The following NEB variants were observed in gnomAD, a reference collection of about 807,000 sequenced individuals.
NEB encodes nemaline myopathy type 2.
A neutral mutation model predicts 952.2 loss-of-function variants in NEB; 512 were observed. That is an observed-to-expected ratio of 0.54 (90% confidence interval 0.50 to 0.58). The LOEUF (loss-of-function observed/expected upper bound fraction) is 0.58, where lower values mean the gene tolerates loss of function less well. NEB is among the 20% of genes least tolerant of loss of function. The pLI is 0.00. For missense variants in NEB, 8,428 were observed against 9,231.1 expected, an observed-to-expected ratio of 0.91 and a Z score of 3.56; for synonymous variants, 2,900 against 3,149.8, an observed-to-expected ratio of 0.92 and a Z score of 2.66.
intron 131 of NEB, among the ~76,000 whole-genome samples, chr2:151,548,015 ACTAAAATGCAAC>A (rs1333529137): frequency 1.3e-5 from 2 of 152,170 alleles, no homozygotes; most frequent in East Asian, 3.8e-4. Context: ...CATGAGTCAG[ACTAAAATGCAAC>A]CTTATTAAAG....
intron 54 of NEB, among the ~76,000 whole-genome samples, chr2:151,648,909 C>T (rs112157472): frequency 9.2e-5 from 14 of 152,242 alleles, no homozygotes; most frequent in African/African-American, 2.9e-4. Flanking sequence ...CTCAAGGACC[C>T]CAGCTGGCCC....
rs1244163085 is a variant in NEB at position 151,678,172 on chromosome 2, C to A, written c.3271G>T (p.Asp1091Tyr). 2 of 1,603,926 alleles carry A rather than the reference C, an allele frequency of 1.2e-6. No homozygotes were observed. The highest frequency in any genetic ancestry group is 3.4e-5 in the Admixed American group (2 of 59,036). Reference sequence around the variant, plus strand: ...ATTTTCCCTTTAGCCTTTTCATAGTCTTTTTTGTACTGAACCTATTGTAAA... The same window carrying A: ...ATTTTCCCTTTAGCCTTTTCATAGTATTTTTTGTACTGAACCTATTGTAAA... ...QAASDVQYKK[D>Y]YEKAKGKMVG... Residue 1091 changes from aspartate to tyrosine, a missense_variant, in exon 33 of 182, where the codon GAC becomes TAC. Asp to Tyr is a radical substitution (Grantham distance 160). Around this residue, in one of 11 missense-constraint regions of NEB, gnomAD observed 2,851 missense variants for 2,791.5 expected, o/e 1.02. Coordinates refer to ENST00000397345, the MANE Select transcript of NEB (RefSeq NM_001164508.2).
rs2099019846 is a variant in NEB, at chr2:151,650,582, G to T, written c.7219C>A (p.Gln2407Lys). The T allele has an allele frequency of 6.4e-7, 1 of 1,566,258 alleles. No individual in the cohort carries two copies. The highest frequency in any genetic ancestry group is 8.6e-7 in the Non-Finnish European group (1 of 1,158,830). ...VVQAKKVYEL[Q>K]SENLYKSDLE... ...ATTTAATAGAAACTGACCTCACTTT[G>T]CAGTTCATAAACTTTCTTAGCTTGC... Residue 2407 changes from glutamine (Q) to lysine (K), a missense_variant, in exon 53 of 182, where the codon CAA becomes AAA. By Grantham distance (53) the Gln-to-Lys change is moderately conservative. This residue lies in a region of NEB where 1,772 missense variants were observed against 1,960.3 expected (regional missense o/e 0.90). Coordinates refer to ENST00000397345, the MANE Select transcript of NEB (RefSeq NM_001164508.2).
intron 142 of NEB, chr2:151,534,085 A>G (rs1180771331): frequency 1.4e-6 from 1 of 693,758 alleles, no homozygotes; most frequent in Non-Finnish European, 2.5e-6. Flanking sequence ...GGCTAGACAG[A>G]TACTTTGAAA....
rs753965951 is a variant in NEB at position 151,690,787 on chromosome 2, C to T, written c.2250G>A (p.Thr750=). The change falls in exon 24 of 182, where the codon ACG becomes ACA. Residue 750 remains threonine (T), a synonymous_variant. Coordinates refer to ENST00000397345, the MANE Select transcript of NEB (RefSeq NM_001164508.2). ...ACAGTACAGGAGAATCAGTGACTGC[C>T]GTGAATTTGGTCTTATCTGGATGAA... is the stretch of plus-strand genomic sequence containing the variant. ...YKVHPDKTKF[T]AVTDSPVLLQ... 119 of 1,597,238 alleles carry T rather than the reference C, an allele frequency of 7.5e-5. No homozygotes were observed. The highest frequency in any genetic ancestry group is 1.1e-4 in the African/African-American group (8 of 74,688).
intron 21 of NEB, 44 bp downstream of exon 21, chr2:151,692,217 T>C (rs2099556842): frequency 5.0e-6 from 8 of 1,608,732 alleles, no homozygotes; most frequent in Non-Finnish European, 6.8e-6. Flanking sequence ...TGTCAAACAG[T>C]AGGAAAGCCC....
chr2:151,494,254 C>G lies in NEB; in HGVS notation c.24487-1G>C. On this transcript the variant is annotated splice_acceptor_variant, in intron 173 of 181. Coordinates refer to ENST00000397345, the MANE Select transcript of NEB (RefSeq NM_001164508.2). LOFTEE classifies it high-confidence loss of function. ...TCCCCACATTTTCTTTGTACAAAAC[C>G]TATGGGAATCCAATGGGTCCAAAAA... 6.3e-7 allele frequency: 1 copy of G among 1,587,400 alleles called. No homozygotes were observed. The highest frequency in any genetic ancestry group is 8.6e-7 in the Non-Finnish European group (1 of 1,163,740).
intron 48 of NEB, among the ~76,000 whole-genome samples, chr2:151,656,777 A>C (rs2099089607): frequency 6.6e-6 from 1 of 151,984 alleles, no homozygotes; most frequent in African/African-American, 2.4e-5. Flanking sequence ...GATGCATCAC[A>C]CTGACTTATG....
At chr2:151,711,060 C>A (rs1311285005) in intron 10 of NEB, among the ~76,000 whole-genome samples, 1 of 152,102 alleles carries the variant, frequency 6.6e-6, no homozygotes, top group Admixed American at 6.5e-5. Context: ...TGAATTATTG[C>A]CCCATCTGAC....
At chr2:151,527,190 C>T (rs1468998016) in intron 147 of NEB, among the ~76,000 whole-genome samples, 168 bp from the exon 148 acceptor site, 2 of 151,852 alleles carry the variant, frequency 1.3e-5, no homozygotes, top group African/African-American at 4.8e-5. Flanking sequence ...TCCTCCTTTT[C>T]AGCCTAGCTG....
chr2:151,508,211 G>C (rs1422645018), intron 161 of NEB, 102 bp from the exon 162 acceptor site: 8 of 693,298 alleles, frequency 1.2e-5, no homozygotes, highest in Admixed American at 2.8e-5. Context: ...TCAGCAGAGG[G>C]AAAGTCCTTT....
Position 151,642,873 on chromosome 2 carries a change from A to C in NEB, c.8161-4T>G, listed in dbSNP as rs539401306. ...CCCAAGCTTCTGTATAGAGGCGCTA[A>C]GAGAAACAGAAAAACATGACTGGTA... is the stretch of plus-strand genomic sequence containing the variant. On this transcript the variant is annotated splice_polypyrimidine_tract_variant and splice_region_variant and intron_variant, in intron 58 of 181. Transcript: ENST00000397345. The C allele has an allele frequency of 1.9e-6, 3 of 1,592,764 alleles. No individual in the cohort carries two copies. Among genetic ancestry groups the C allele is most frequent in the Non-Finnish European group, 2.6e-6 (3 of 1,165,184 alleles).
chr2:151,504,927 T>G (rs938795998), intron 165 of NEB, among the ~76,000 whole-genome samples: 1 of 152,022 alleles, frequency 6.6e-6, no homozygotes, highest in African/African-American at 2.4e-5. Context: ...CCACTGCATT[T>G]ACTAGATGGA....
In NEB at chr2:151,524,573, GT is replaced by G. The variant is rs1166499786; in HGVS notation, c.22315del (p.Thr7439GlnfsTer35). 1 of 1,607,832 alleles carries G rather than the reference GT, an allele frequency of 6.2e-7. No homozygotes were observed. The highest frequency in any genetic ancestry group is 8.5e-7 in the Non-Finnish European group (1 of 1,177,202). The part of the protein sequence containing the change: ...KDAKENLHYT[T>X]VADRPDIKKA... ...CTTGATGTCTGGTCGATCAGCCACT[GT>G]GGTGTAATGCAGGTTCTCTTTGGCA... On this transcript the variant is annotated frameshift_variant, in exon 152 of 182. Coordinates refer to ENST00000397345, the MANE Select transcript of NEB (RefSeq NM_001164508.2). LOFTEE classifies it high-confidence loss of function.
intron 74 of NEB, among the ~76,000 whole-genome samples, 170 bp downstream of exon 74, chr2:151,618,105 T>A (rs1249655300): frequency 1.3e-5 from 2 of 152,160 alleles, no homozygotes; most frequent in Non-Finnish European, 2.9e-5. Flanking sequence ...CTTTTAACAA[T>A]GGTTTAATAT....
At chr2:151,575,907 G>A in intron 106 of NEB, 108 bp from the exon 107 acceptor site, 1 of 860,588 alleles carries the variant, frequency 1.2e-6, no homozygotes, top group South Asian at 1.5e-5. Context: ...ACCCTTTCAT[G>A]TTAGGGCAAA....
In NEB at chr2:151,531,096, A is replaced by C; in HGVS notation, c.21528T>G (p.Leu7176=). 1 of 1,594,514 alleles carries C rather than the reference A, an allele frequency of 6.3e-7. No homozygotes were observed. ...TKVNKQISDI[L]YKLEYNKAKP... The stretch of plus-strand genomic sequence containing the variant: ...TGGCCTTGTTGTATTCCAATTTATA[A>C]AGGATCTGAAAGATCAAAAAGCAGA... Residue 7176 remains leucine (L), a synonymous_variant, in exon 145 of 182, where the codon CTT becomes CTG. Coordinates refer to ENST00000397345, the MANE Select transcript of NEB (RefSeq NM_001164508.2).
intron 134 of NEB, 72 bp downstream of exon 134, chr2:151,546,273 G>A: frequency 8.3e-7 from 1 of 1,210,992 alleles, no homozygotes; most frequent in Non-Finnish European, 1.2e-6. Context: ...CTTCTGCCTA[G>A]CCCTGGAGGC....
In NEB at chr2:151,609,893, A is replaced by G. The variant is rs892559887; in HGVS notation, c.12246T>C (p.Tyr4082=). 4 of 1,613,632 alleles carry G rather than the reference A, an allele frequency of 2.5e-6. No homozygotes were observed. The highest frequency in any genetic ancestry group is 1.7e-5 in the Admixed American group (1 of 60,000). ...ATGTCCATTCATGCAGGTAATTGCG[A>G]TAATCAATGTCAGTGACCAAAGTCT... The part of the protein sequence containing the change: ...KCQTLVTDID[Y]RNYLHEWTCM... Residue 4082 remains tyrosine, a synonymous_variant, in exon 81 of 182, where the codon TAT becomes TAC. Coordinates refer to ENST00000397345, the MANE Select transcript of NEB (RefSeq NM_001164508.2).
Sources: allele counts gnomAD v4.1 joint callset (sites outside exome capture counted in the v4.1 genomes callset), GRCh38; gene constraint gnomAD v4.1.1; regional missense constraint gnomAD v4.1.1; transcripts MANE v1.5; gene names NCBI Gene and HGNC (gene_info 2026-07-23, HGNC 2026-07-21).